The following MRPL13 variants were observed in gnomAD, a reference collection of about 807,000 sequenced individuals.
MRPL13 encodes large ribosomal subunit protein uL13m.
MRPL13 carries 33 observed loss-of-function variants against 29.0 expected under a neutral mutation model. The ratio of observed to expected loss-of-function variants is 1.14; its 90% CI spans 0.86 to 1.52. The LOEUF is 1.52. Among genes scored for constraint, MRPL13 ranks in the 40% most tolerant of loss-of-function variants. The probability of loss-of-function intolerance (pLI) is 0.00; values close to 1 mark genes in which losing one functional copy is unlikely to be tolerated. For missense variants in MRPL13, 227 were observed against 216.7 expected, an observed-to-expected ratio of 1.05 and a Z score of -0.30; for synonymous variants, 77 against 68.4, an observed-to-expected ratio of 1.13 and a Z score of -0.62.
intron 6 of MRPL13, among the ~76,000 whole-genome samples, chr8:120,411,298 A>G (rs544184848): frequency 4.2e-4 from 64 of 152,060 alleles, no homozygotes; most frequent in African/African-American, 1.4e-3. Flanking sequence ...GAACTCCTGA[A>G]CTCAAGAGGT....
chr8:120,421,586 C>T (rs1227460914), intron 4 of MRPL13, among the ~76,000 whole-genome samples: 1 of 151,840 alleles, frequency 6.6e-6, no homozygotes, highest in East Asian at 1.9e-4. Flanking sequence ...AAATCTCTTC[C>T]TTGACGAGCC....
At chr8:120,437,791 C>T (rs554048735) in intron 2 of MRPL13, among the ~76,000 whole-genome samples, 114 of 152,128 alleles carry the variant, frequency 7.5e-4, no homozygotes, top group African/African-American at 2.5e-3. Flanking sequence ...ATGTTCAGTA[C>T]ATTATTTGTT....
chr8:120,429,812 T>G (rs915199208), intron 3 of MRPL13, among the ~76,000 whole-genome samples: 1 of 152,192 alleles, frequency 6.6e-6, no homozygotes. Flanking sequence ...GCATATAACC[T>G]ACACACATCC....
chr8:120,444,844 A>G, intron 1 of MRPL13: 18 of 352,054 alleles, frequency 5.1e-5, no homozygotes, highest in Non-Finnish European at 8.4e-5. Context: ...CCCCCCCAAG[A>G]AAGACATGAA....
At chr8:120,415,279 T>C (rs1812790638) in intron 5 of MRPL13, 2 of 152,220 alleles carry the variant, frequency 1.3e-5, no homozygotes, top group Middle Eastern at 3.2e-3. Context: ...GGAGAGTAGA[T>C]ATAATTCCCT....
intron 2 of MRPL13, 67 bp downstream of exon 2, chr8:120,443,118 C>T: frequency 7.4e-7 from 1 of 1,348,062 alleles, no homozygotes; most frequent in Admixed American, 2.8e-5. Flanking sequence ...CCCTGTTAAA[C>T]TTCATCAAGA....
rs762375563 is a variant in MRPL13, at chr8:120,443,311, TG to T, written c.28-4del. Reference sequence around the variant, plus strand: ...ATTCTAGCAAAAGTGGCCCATTGCTTGGGGGGGAAAAAAAAAAAAAAGAAGA... The same window carrying T: ...ATTCTAGCAAAAGTGGCCCATTGCTTGGGGGGAAAAAAAAAAAAAAGAAGA... On this transcript the variant is annotated splice_region_variant and splice_polypyrimidine_tract_variant and intron_variant, in intron 1 of 6. Coordinates refer to ENST00000306185, the MANE Select transcript of MRPL13 (RefSeq NM_014078.6). The T allele has an allele frequency of 1.4e-4, 207 of 1,462,808 alleles. No homozygotes were observed. Among genetic ancestry groups the T allele is most frequent in the South Asian group, 4.9e-4 (38 of 77,536 alleles). 90.6% of individuals were successfully genotyped at this position (1,462,808 alleles called of 1,614,324 possible).
intron 3 of MRPL13, among the ~76,000 whole-genome samples, chr8:120,426,232 A>G (rs1812930848): frequency 6.6e-6 from 1 of 152,146 alleles, no homozygotes; most frequent in African/African-American, 2.4e-5. Flanking sequence ...GAAAGGGGGA[A>G]GAAATTGGAA....
chr8:120,399,100 A>C (rs554084061), intron 6 of MRPL13, among the ~76,000 whole-genome samples: 1 of 152,308 alleles, frequency 6.6e-6, no homozygotes, highest in East Asian at 1.9e-4. Flanking sequence ...AACTTCCCCA[A>C]CCTAGCAAGA....
At chr8:120,418,991 T>C (rs1183712843) in intron 5 of MRPL13, among the ~76,000 whole-genome samples, 1 of 152,042 alleles carries the variant, frequency 6.6e-6, no homozygotes, top group Admixed American at 6.6e-5. Context: ...TATAACTTGA[T>C]ATTTTGGAAT....
At chr8:120,402,850 C>T (rs1208869471) in intron 6 of MRPL13, among the ~76,000 whole-genome samples, 1 of 152,136 alleles carries the variant, frequency 6.6e-6, no homozygotes, top group Non-Finnish European at 1.5e-5. Flanking sequence ...CATGAACAGA[C>T]ACTTCTTAAA....
intron 2 of MRPL13, among the ~76,000 whole-genome samples, chr8:120,440,580 G>A (rs1381550072): frequency 2.0e-5 from 3 of 150,022 alleles, no homozygotes; most frequent in Non-Finnish European, 4.4e-5. Context: ...ACTCTAGCCT[G>A]GGCAACAAAG....
At chr8:120,424,183 C>A (rs2130472032) in intron 4 of MRPL13, among the ~76,000 whole-genome samples, 1 of 152,194 alleles carries the variant, frequency 6.6e-6, no homozygotes, top group African/African-American at 2.4e-5. Context: ...AAATAGACCT[C>A]AAGGTAAAAA....
chr8:120,424,299 T>C (rs1242868368), intron 4 of MRPL13, among the ~76,000 whole-genome samples: 1 of 151,624 alleles, frequency 6.6e-6, no homozygotes, highest in African/African-American at 2.4e-5. Context: ...CTTCAAAATA[T>C]ATAAGGCAAA....
At chr8:120,399,024 T>C (rs1004068100) in intron 6 of MRPL13, among the ~76,000 whole-genome samples, 10 of 151,362 alleles carry the variant, frequency 6.6e-5, no homozygotes, top group African/African-American at 2.2e-4. Context: ...CTAATTGGGG[T>C]ACCTGAAAAA....
At chr8:120,441,397 G>C (rs2130488647) in intron 2 of MRPL13, among the ~76,000 whole-genome samples, 1 of 152,186 alleles carries the variant, frequency 6.6e-6, no homozygotes, top group Non-Finnish European at 1.5e-5. Flanking sequence ...TCAAGGACTG[G>C]GCCCTGACGC....
chr8:120,410,912 T>C (rs765214878), intron 6 of MRPL13, among the ~76,000 whole-genome samples: 5 of 151,864 alleles, frequency 3.3e-5, no homozygotes, highest in Non-Finnish European at 7.4e-5. Context: ...GTAGCTGGGA[T>C]TACAGGTGCC....
chr8:120,414,103 CT>C lies in MRPL13; in HGVS notation c.402del (p.Glu135LysfsTer7). The C allele has an allele frequency of 6.4e-7, 1 of 1,557,360 alleles. No individual in the cohort carries two copies. Among genetic ancestry groups the C allele is most frequent in the Non-Finnish European group, 8.6e-7 (1 of 1,160,676 alleles). On this transcript the variant is annotated frameshift_variant, in exon 6 of 7. Coordinates refer to ENST00000306185, the MANE Select transcript of MRPL13 (RefSeq NM_014078.6). LOFTEE classifies it high-confidence loss of function. ...RLHLFPDEYIPEDILKNLVEE... is the reference protein window; with the variant it reads ...RLHLFPDEYIXEDILKNLVEE... ...TCTACTAAATTCTTAAGAATATCTT[CT>C]GGAATATACTACATTAAAAAAAAAT...
chr8:120,401,153 A>G (rs2130449799), intron 6 of MRPL13, among the ~76,000 whole-genome samples: 1 of 152,334 alleles, frequency 6.6e-6, no homozygotes, highest in South Asian at 2.1e-4. Context: ...TTATTTTATG[A>G]GGCCAGCATA....
Sources: gnomAD v4.1 joint callset for allele counts (sites outside exome capture counted in the v4.1 genomes callset) on GRCh38, gnomAD v4.1.1 for gene constraint, MANE v1.5 for transcripts, NCBI Gene and HGNC (gene_info 2026-07-23, HGNC 2026-07-21) for gene names.